The following SFMBT2 variants were observed in gnomAD, a reference collection of about 807,000 sequenced individuals.
The protein encoded by SFMBT2 is Scm like with four mbt domains 2.
Under a neutral mutation model 110.1 loss-of-function variants are expected in SFMBT2, and 38 were observed. The ratio of observed to expected loss-of-function variants is 0.35; its 90% CI spans 0.27 to 0.45. The LOEUF (loss-of-function observed/expected upper bound fraction) is 0.45, where lower values mean the gene tolerates loss of function less well. SFMBT2 is among the 20% of genes least tolerant of loss of function. The pLI, the probability that SFMBT2 is intolerant of heterozygous loss-of-function variation, is 1.00. For missense variants in SFMBT2, 1,011 were observed against 1,094.9 expected, an observed-to-expected ratio of 0.92 and a Z score of 1.08; for synonymous variants, 425 against 425.4, an observed-to-expected ratio of 1.00 and a Z score of 0.01.
At chr10:7,365,172 C>T (rs2767698) in intron 4 of SFMBT2, among the ~76,000 whole-genome samples, 35,160 of 152,000 alleles carry the variant, frequency 0.23, 5,411 homozygotes, top group African/African-American at 0.44. Flanking sequence ...AGAGCTGGAG[C>T]GGGAACTAAA....
chr10:7,235,165 G>A (rs940440833), intron 9 of SFMBT2, among the ~76,000 whole-genome samples: 4 of 152,154 alleles, frequency 2.6e-5, no homozygotes, highest in Non-Finnish European at 5.9e-5. Context: ...ACACCCTCAT[G>A]GACCAGACAT....
At chr10:7,311,905 C>T (rs1390170428) in intron 4 of SFMBT2, among the ~76,000 whole-genome samples, 1 of 152,186 alleles carries the variant, frequency 6.6e-6, no homozygotes, top group African/African-American at 2.4e-5. Flanking sequence ...TCTTTTCACT[C>T]TACAAGTCGC....
intron 9 of SFMBT2, among the ~76,000 whole-genome samples, chr10:7,233,166 C>A (rs1348924768): frequency 1.3e-5 from 2 of 152,136 alleles, no homozygotes; most frequent in Non-Finnish European, 2.9e-5. Context: ...ATCTACCTGG[C>A]TGGCAGAATG....
rs1232781057 is a variant in SFMBT2 at position 7,158,750 on chromosome 10, CAT to C, written c.*5018_*5019del. On this transcript the variant is annotated 3_prime_UTR_variant, in exon 21 of 21. Transcript: ENST00000397167. The stretch of plus-strand genomic sequence containing the variant: ...AGATTTTCATTTATTTACATGAAAA[CAT>C]ATATACAGAATACAATCTTACAGCA... The C allele has an allele frequency of 6.6e-6, 1 of 151,890 alleles. No individual in the cohort carries two copies. Among genetic ancestry groups the C allele is most frequent in the East Asian group, 1.9e-4 (1 of 5,200 alleles). The allele number at this position is 151,890 out of a possible 1,614,324, so 9.4% of individuals were successfully genotyped here.
intron 10 of SFMBT2, among the ~76,000 whole-genome samples, chr10:7,226,079 T>C (rs1367938268): frequency 6.6e-6 from 1 of 152,176 alleles, no homozygotes; most frequent in Non-Finnish European, 1.5e-5. Context: ...ACCGCTCTTG[T>C]GCAAAGGCGA....
chr10:7,255,737 C>T (rs1588389730), intron 7 of SFMBT2, among the ~76,000 whole-genome samples: 2 of 152,192 alleles, frequency 1.3e-5, no homozygotes, highest in Non-Finnish European at 1.5e-5. Context: ...AGAGCCTGAG[C>T]AGTTCTCACT....
intron 7 of SFMBT2, among the ~76,000 whole-genome samples, chr10:7,254,550 G>T (rs1047674955): frequency 3.3e-5 from 5 of 152,112 alleles, no homozygotes; most frequent in African/African-American, 1.2e-4. Context: ...GGCCAGGCGC[G>T]GTGGCTCACA....
At chr10:7,279,523 G>A (rs921425123) in intron 6 of SFMBT2, among the ~76,000 whole-genome samples, 1 of 152,212 alleles carries the variant, frequency 6.6e-6, no homozygotes, top group Non-Finnish European at 1.5e-5. Context: ...CCGTGAGATG[G>A]AGTCATGCTG....
At chr10:7,206,298 TG>T (rs1588337294) in intron 11 of SFMBT2, 11 of 985,346 alleles carry the variant, frequency 1.1e-5, no homozygotes, top group Non-Finnish European at 1.2e-5. Flanking sequence ...AGAACAGCTC[TG>T]GGGTTAAGGG....
At chr10:7,312,137 T>C (rs1842874628) in intron 4 of SFMBT2, among the ~76,000 whole-genome samples, 1 of 151,928 alleles carries the variant, frequency 6.6e-6, no homozygotes, top group Non-Finnish European at 1.5e-5. Flanking sequence ...AATGATGAGT[T>C]AATGGGTGCA....
intron 2 of SFMBT2, 94 bp downstream of exon 2, chr10:7,381,705 C>G: frequency 7.5e-7 from 1 of 1,336,102 alleles, no homozygotes; most frequent in South Asian, 1.3e-5. Context: ...TATGTGAGAT[C>G]TACAAATGTT....
chr10:7,278,922 T>TA (rs945241714), intron 6 of SFMBT2, among the ~76,000 whole-genome samples: 12 of 151,404 alleles, frequency 7.9e-5, no homozygotes, highest in Admixed American at 2.6e-4. Context: ...TAATAAAATT[T>TA]AAAAAAACAA....
In SFMBT2 at chr10:7,190,103, C is replaced by T. The variant is rs147014979; in HGVS notation, c.1699-1370G>A. On this transcript the variant is annotated intron_variant, in intron 15 of 20. Coordinates refer to ENST00000397167, the MANE Select transcript of SFMBT2 (RefSeq NM_001387889.1). The stretch of plus-strand genomic sequence containing the variant: ...TTTTCTCTGCCTGGGTAACATCTTG[C>T]TATGTTCCAAGGGCCTCAAAGCCAC... 7.8e-3 allele frequency among the ~76,000 whole-genome samples: 1,186 copies of T among 152,274 alleles called. 22 individuals are homozygous for T. The highest frequency in any genetic ancestry group is 0.026 in the African/African-American group (1,098 of 41,548).
At chr10:7,208,263 A>G (rs1226567774) in intron 11 of SFMBT2, among the ~76,000 whole-genome samples, 1 of 152,070 alleles carries the variant, frequency 6.6e-6, no homozygotes, top group Non-Finnish European at 1.5e-5. Context: ...ACACAAGGTC[A>G]TTTTCTCCTC....
At position 7,301,296 on chromosome 10, in the gene SFMBT2, A is replaced by T. The variant is rs1842549527; in HGVS notation, c.437-15342T>A. On this transcript the variant is annotated intron_variant, in intron 4 of 20. Transcript: ENST00000397167. This position sits in a 1 kb window ranked among gnomAD's most constrained non-coding sequence, Gnocchi z 4.2. ...GTGAGACACTAGTAACTAGCAAGACACTATGGACTAGTTGCCAGTCCCTCT... is the reference window on the plus strand; with the variant it reads ...GTGAGACACTAGTAACTAGCAAGACTCTATGGACTAGTTGCCAGTCCCTCT... Among the ~76,000 whole-genome samples the T allele has an allele frequency of 6.6e-6, 1 of 152,258 alleles. No individual in the cohort carries two copies. Among genetic ancestry groups the T allele is most frequent in the Non-Finnish European group, 1.5e-5 (1 of 68,038 alleles).
chr10:7,204,614 G>T, intron 12 of SFMBT2: 3 of 604,364 alleles, frequency 5.0e-6, no homozygotes, highest in Non-Finnish European at 6.2e-6. Flanking sequence ...CGTGGCCAAA[G>T]TGTAATTCCA....
intron 11 of SFMBT2, among the ~76,000 whole-genome samples, chr10:7,212,808 T>C (rs747518993): frequency 3.9e-5 from 6 of 152,200 alleles, no homozygotes; most frequent in Non-Finnish European, 5.9e-5. Flanking sequence ...CTCTACTCGA[T>C]AGCAAAGACT....
At chr10:7,395,428 T>C (rs1448256517) in intron 1 of SFMBT2, among the ~76,000 whole-genome samples, 1 of 152,276 alleles carries the variant, frequency 6.6e-6, no homozygotes, top group Non-Finnish European at 1.5e-5. Flanking sequence ...CTCACAATAA[T>C]GTGCCTGGTG....
At chr10:7,226,425 C>T (rs1839897192) in intron 10 of SFMBT2, among the ~76,000 whole-genome samples, 2 of 152,242 alleles carry the variant, frequency 1.3e-5, no homozygotes, top group African/African-American at 4.8e-5. Context: ...TTTCTCGCTT[C>T]GTTTTTCATA....
Sources: allele counts gnomAD v4.1 joint callset (sites outside exome capture counted in the v4.1 genomes callset), GRCh38; gene constraint gnomAD v4.1.1; non-coding constraint Gnocchi (gnomAD v3.1); transcripts MANE v1.5; gene names NCBI Gene and HGNC (gene_info 2026-07-23, HGNC 2026-07-21).